The following KLHL1 variants were observed in gnomAD, a reference collection of about 807,000 sequenced individuals.
KLHL1 encodes the protein kelch like family member 1.
In KLHL1, 47 loss-of-function variants were observed where a neutral mutation model predicts 77.7. That is an observed-to-expected ratio of 0.60 (90% confidence interval 0.48 to 0.77). The LOEUF is 0.77. KLHL1 is among the 30% of genes least tolerant of loss of function. KLHL1 has a pLI of 0.00. For synonymous variants in KLHL1, 360 were observed against 325.2 expected (o/e 1.11, Z -1.15); for missense variants, 925 against 910.8 (o/e 1.02, Z -0.20).
intron 2 of KLHL1, among the ~76,000 whole-genome samples, chr13:69,971,508 T>C (rs1884380129): frequency 6.6e-6 from 1 of 152,224 alleles, no homozygotes; most frequent in Middle Eastern, 3.4e-3. Context: ...CTCATTATCC[T>C]TGTAATTTTT....
At chr13:70,075,443 A>T (rs694227) in intron 1 of KLHL1, among the ~76,000 whole-genome samples, 78,459 of 149,664 alleles carry the variant, frequency 0.52, 20,862 homozygotes, top group East Asian at 0.72. Context: ...AAATTTTATT[A>T]AAAAAAACCT....
intron 10 of KLHL1, 123 bp from the exon 11 acceptor site, chr13:69,701,884 G>C: frequency 1.6e-6 from 1 of 625,896 alleles, no homozygotes; most frequent in Non-Finnish European, 2.6e-6. Flanking sequence ...ATTTTAGCCA[G>C]AAGTAGTACA....
At chr13:69,839,784 A>G (rs1451796969) in intron 5 of KLHL1, among the ~76,000 whole-genome samples, 1 of 152,048 alleles carries the variant, frequency 6.6e-6, no homozygotes, top group African/African-American at 2.4e-5. Context: ...CAGTAGTTTT[A>G]AAGTATATTG....
intron 1 of KLHL1, 74 bp from the exon 2 acceptor site, chr13:69,975,876 A>G: frequency 7.0e-7 from 1 of 1,424,090 alleles, no homozygotes; most frequent in Non-Finnish European, 9.1e-7. Flanking sequence ...ATCTAGAATA[A>G]CATACAGGTT....
chr13:69,922,385 T>C (rs924614237), intron 4 of KLHL1, among the ~76,000 whole-genome samples: 2 of 152,130 alleles, frequency 1.3e-5, no homozygotes, highest in Non-Finnish European at 2.9e-5. Context: ...ACAGTAAATA[T>C]CTGGTATAGT....
intron 1 of KLHL1, among the ~76,000 whole-genome samples, chr13:69,984,368 C>T (rs533410380): frequency 2.2e-4 from 34 of 152,256 alleles, no homozygotes; most frequent in African/African-American, 7.9e-4. Context: ...AAAAGACTAC[C>T]TAGAGGCCAG....
intron 1 of KLHL1, among the ~76,000 whole-genome samples, chr13:70,035,769 A>G (rs1886223157): frequency 6.6e-6 from 1 of 151,968 alleles, no homozygotes; most frequent in Admixed American, 6.6e-5. Flanking sequence ...TTTTGAGAGA[A>G]TCAAATGAGA....
At chr13:70,062,654 T>C (rs1407567894) in intron 1 of KLHL1, among the ~76,000 whole-genome samples, 2 of 152,106 alleles carry the variant, frequency 1.3e-5, no homozygotes, top group Non-Finnish European at 2.9e-5. Flanking sequence ...AATAAATTGA[T>C]GAGTGAGTAA....
At chr13:70,030,515 G>T (rs1023135579) in intron 1 of KLHL1, among the ~76,000 whole-genome samples, 2 of 152,092 alleles carry the variant, frequency 1.3e-5, no homozygotes, top group African/African-American at 4.8e-5. Context: ...ACGAAATGAA[G>T]GCAGAAATAA....
chr13:69,862,270 T>A (rs1234888509), intron 5 of KLHL1, among the ~76,000 whole-genome samples: 1 of 143,062 alleles, frequency 7.0e-6, no homozygotes, highest in Non-Finnish European at 1.6e-5. Flanking sequence ...GTAATTATAC[T>A]GTTTTTACAC....
At chr13:69,972,487 T>C (rs549100189) in intron 2 of KLHL1, among the ~76,000 whole-genome samples, 44 of 152,016 alleles carry the variant, frequency 2.9e-4, no homozygotes, top group Non-Finnish European at 5.0e-4. Context: ...CATGAACATA[T>C]TGCATGCTTG....
chr13:70,074,561 TC>T (rs2137422100), intron 1 of KLHL1, among the ~76,000 whole-genome samples: 1 of 152,096 alleles, frequency 6.6e-6, no homozygotes, highest in African/African-American at 2.4e-5. Flanking sequence ...AAAAAAGAGA[TC>T]CTTCATCAAA....
intron 1 of KLHL1, among the ~76,000 whole-genome samples, chr13:70,085,201 CAAAG>C (rs1887504434): frequency 6.6e-6 from 1 of 151,918 alleles, no homozygotes; most frequent in South Asian, 2.1e-4. Context: ...AAAAGCTAAA[CAAAG>C]AGAGAAACAG....
intron 7 of KLHL1, among the ~76,000 whole-genome samples, chr13:69,770,562 C>T (rs182700738): frequency 3.9e-5 from 6 of 152,250 alleles, no homozygotes; most frequent in Non-Finnish European, 5.9e-5. Flanking sequence ...TGGTCTTGGG[C>T]TCCTGGCCTC....
At position 69,872,749 on chromosome 13, in the gene KLHL1, C is replaced by T. The variant is rs566870544; in HGVS notation, c.1227+9534G>A. 5.3e-5 allele frequency among the ~76,000 whole-genome samples: 8 copies of T among 152,156 alleles called. No homozygotes were observed. The South Asian group carries it at 1.0e-3, about 20-fold the overall frequency. On this transcript the variant is annotated intron_variant, in intron 5 of 10. Transcript: ENST00000377844. Reference sequence around the variant, plus strand: ...TTTGTTATTTGTCAGGAGAATAAAACGGGGATTTTTTGGTAACAGTGGGAG... The same window carrying T: ...TTTGTTATTTGTCAGGAGAATAAAATGGGGATTTTTTGGTAACAGTGGGAG...
chr13:70,035,154 A>C (rs1208622538), intron 1 of KLHL1, among the ~76,000 whole-genome samples: 1 of 152,092 alleles, frequency 6.6e-6, no homozygotes, highest in Non-Finnish European at 1.5e-5. Context: ...TCCCATGTTT[A>C]TTGCAGCATT....
At chr13:69,878,106 A>C (rs926005032) in intron 5 of KLHL1, among the ~76,000 whole-genome samples, 4 of 152,148 alleles carry the variant, frequency 2.6e-5, no homozygotes, top group African/African-American at 9.7e-5. Flanking sequence ...TTTGTTGATG[A>C]AGTCTCTTTC....
chr13:70,049,591 A>G (rs1886582215), intron 1 of KLHL1, among the ~76,000 whole-genome samples: 1 of 152,202 alleles, frequency 6.6e-6, no homozygotes, highest in Non-Finnish European at 1.5e-5. Context: ...AATATAGGCT[A>G]TGTCCTATAA....
chr13:69,827,222 A>T (rs116446485), intron 6 of KLHL1, among the ~76,000 whole-genome samples: 3,884 of 151,812 alleles, frequency 0.026, 168 homozygotes, highest in African/African-American at 0.088. Context: ...ATGGAAATAT[A>T]ATAGAGCATA....
Sources: gnomAD v4.1 joint callset for allele counts (sites outside exome capture counted in the v4.1 genomes callset) on GRCh38, gnomAD v4.1.1 for gene constraint, MANE v1.5 for transcripts, NCBI Gene and HGNC (gene_info 2026-07-23, HGNC 2026-07-21) for gene names.